The following RBFOX1 variants were observed in gnomAD, a reference collection of about 807,000 sequenced individuals.
RBFOX1 encodes RNA binding protein fox-1 homolog 1.
RBFOX1 carries 8 observed loss-of-function variants against 57.7 expected under a neutral mutation model. The observed-to-expected ratio is 0.14, with a 90% CI of 0.08 to 0.25. The LOEUF (loss-of-function observed/expected upper bound fraction) is 0.25, where lower values mean the gene tolerates loss of function less well. Ranked by LOEUF, RBFOX1 falls within the 10% of genes least tolerant of loss-of-function variation. The pLI, the probability that RBFOX1 is intolerant of heterozygous loss-of-function variation, is 1.00. For missense variants in RBFOX1, 611 were observed against 548.5 expected (o/e 1.11, Z -1.14); for synonymous variants, 326 against 222.4 (o/e 1.47, Z -4.15).
chr16:7,217,465 C>T (rs568707012), intron 4 of RBFOX1, among the ~76,000 whole-genome samples: 4 of 151,854 alleles, frequency 2.6e-5, no homozygotes, highest in African/African-American at 9.7e-5. Context: ...CGAAAGCAAC[C>T]AGTGAATATT....
intron 3 of RBFOX1, among the ~76,000 whole-genome samples, chr16:6,828,068 C>G (rs190308811): frequency 1.5e-4 from 23 of 152,230 alleles, no homozygotes; most frequent in African/African-American, 5.1e-4. Flanking sequence ...TTAAAAGCCT[C>G]TAAGATGCAT....
chr16:5,430,397 G>A (rs993673033), intron 1 of RBFOX1, among the ~76,000 whole-genome samples: 42 of 152,222 alleles, frequency 2.8e-4, no homozygotes, highest in Admixed American at 2.7e-3. Context: ...TTGAGAAACA[G>A]TGGGAGGGAG....
chr16:6,671,094 A>C (rs1252104923), intron 3 of RBFOX1, among the ~76,000 whole-genome samples: 1 of 152,226 alleles, frequency 6.6e-6, no homozygotes, highest in Non-Finnish European at 1.5e-5. Flanking sequence ...ATGAACAACC[A>C]GATAATTATT....
chr16:5,884,426 A>G (rs920088600), intron 4 of RBFOX1, among the ~76,000 whole-genome samples: 5 of 151,502 alleles, frequency 3.3e-5, no homozygotes, highest in African/African-American at 1.2e-4. Flanking sequence ...GTCCACCAAA[A>G]TCCATCTGTT....
At chr16:6,555,023 G>A (rs185728298) in intron 2 of RBFOX1, among the ~76,000 whole-genome samples, 11 of 152,068 alleles carry the variant, frequency 7.2e-5, no homozygotes, top group Admixed American at 1.3e-4. Flanking sequence ...TTAGCATGGA[G>A]GAATGAGAAG....
intron 3 of RBFOX1, among the ~76,000 whole-genome samples, chr16:6,800,298 C>T (rs924077129): frequency 2.0e-5 from 3 of 151,784 alleles, no homozygotes; most frequent in East Asian, 3.8e-4. Flanking sequence ...CACCTTAGTC[C>T]TGGGCCAACC....
At chr16:6,631,209 G>T (rs897320324) in intron 2 of RBFOX1, among the ~76,000 whole-genome samples, 1 of 151,994 alleles carries the variant, frequency 6.6e-6, no homozygotes, top group African/African-American at 2.4e-5. Context: ...AGAAAGAACT[G>T]GAGGTTAAGT....
chr16:6,168,967 C>T (rs550061812), intron 1 of RBFOX1, among the ~76,000 whole-genome samples: 7 of 152,076 alleles, frequency 4.6e-5, no homozygotes, highest in South Asian at 2.1e-4. Context: ...TTGGAATTGC[C>T]GTGGGGTGCT....
intron 3 of RBFOX1, among the ~76,000 whole-genome samples, chr16:6,807,231 T>G (rs1396162104): frequency 6.6e-6 from 1 of 152,024 alleles, no homozygotes; most frequent in Non-Finnish European, 1.5e-5. Context: ...GTAGTTCAAG[T>G]GACAGCTGAT....
At chr16:6,871,639 G>C (rs901046794) in intron 3 of RBFOX1, among the ~76,000 whole-genome samples, 1 of 151,874 alleles carries the variant, frequency 6.6e-6, no homozygotes, top group African/African-American at 2.4e-5. Flanking sequence ...CCTCCTGCCT[G>C]GAGTGCTGTC....
intron 3 of RBFOX1, among the ~76,000 whole-genome samples, chr16:6,920,390 T>C (rs1313274922): frequency 1.3e-5 from 2 of 152,104 alleles, no homozygotes; most frequent in African/African-American, 4.8e-5. Flanking sequence ...GAAACCAGAG[T>C]CCTTTCTACT....
In RBFOX1 at chr16:6,904,587, T is replaced by C. The variant is rs1404809300; in HGVS notation, c.-15-147470T>C. ...TTGCACTCCAGCCTGGGTGACAGAG[T>C]GAGACTCTCTCTAAAAAAAAAAAAA... On this transcript the variant is annotated intron_variant, in intron 3 of 15. Coordinates refer to ENST00000550418, the MANE Select transcript of RBFOX1 (RefSeq NM_018723.4). 3.5e-4 allele frequency among the ~76,000 whole-genome samples: 39 copies of C among 110,062 alleles called. 1 individual carries two copies. The Admixed American group carries it at 3.6e-3, about 10-fold the overall frequency. The allele number at this position is 110,062 out of a possible 152,430, so 72.2% of individuals were successfully genotyped here.
chr16:6,282,403 G>A (rs1019819461), intron 1 of RBFOX1, among the ~76,000 whole-genome samples: 4 of 135,624 alleles, frequency 2.9e-5, no homozygotes, highest in Non-Finnish European at 4.6e-5. Flanking sequence ...TCTGGGATAC[G>A]TGTTCAGAGA....
chr16:6,874,253 T>C (rs976964019), intron 3 of RBFOX1, among the ~76,000 whole-genome samples: 1 of 152,104 alleles, frequency 6.6e-6, no homozygotes, highest in Non-Finnish European at 1.5e-5. Context: ...TTCACACTTG[T>C]AATCCCAGCA....
chr16:7,658,624 G>A (rs528399370), intron 12 of RBFOX1, among the ~76,000 whole-genome samples: 2 of 152,264 alleles, frequency 1.3e-5, no homozygotes, highest in African/African-American at 4.8e-5. Flanking sequence ...TTAGAAAACA[G>A]CAGCTAAATC....
At chr16:7,183,967 G>A (rs531140770) in intron 4 of RBFOX1, among the ~76,000 whole-genome samples, 6 of 152,230 alleles carry the variant, frequency 3.9e-5, no homozygotes, top group South Asian at 2.1e-4. Context: ...CAATGATGAC[G>A]TCATTAAAGA....
rs532740353 is a variant in RBFOX1, at chr16:6,919,817, A to G, written c.-15-132240A>G. Among the ~76,000 whole-genome samples the G allele has an allele frequency of 3.9e-4, 57 of 146,944 alleles. No homozygotes were observed. The South Asian group carries it at 4.9e-3, about 13-fold the overall frequency. On this transcript the variant is annotated intron_variant, in intron 3 of 15. Transcript: ENST00000550418. ...TTATTATTTCAATAGTTCTGGGAGA[A>G]CAAGTGGTTTTTGTTAAATGGTTAA...
intron 3 of RBFOX1, among the ~76,000 whole-genome samples, chr16:6,862,310 T>G (rs377306451): frequency 2.0e-5 from 3 of 152,140 alleles, no homozygotes; most frequent in Non-Finnish European, 4.4e-5. Flanking sequence ...GTTTGCCTTG[T>G]GAACAAGCTC....
chr16:7,332,745 A>G (rs1055629098), intron 4 of RBFOX1: 10 of 1,362,116 alleles, frequency 7.3e-6, no homozygotes, highest in Middle Eastern at 2.8e-4. Context: ...TGTTCCCAAA[A>G]TAGCACCTTC....
Sources: allele counts gnomAD v4.1 joint callset (sites outside exome capture counted in the v4.1 genomes callset), GRCh38; gene constraint gnomAD v4.1.1; transcripts MANE v1.5; gene names NCBI Gene and HGNC (gene_info 2026-07-23, HGNC 2026-07-21).